POLH: variants seen among roughly 807,000 people sequenced by gnomAD.
POLH encodes DNA polymerase eta transcript.
POLH carries 53 observed loss-of-function variants against 73.6 expected under a neutral mutation model. The observed-to-expected ratio is 0.72, with a 90% CI of 0.58 to 0.91. POLH has a LOEUF of 0.91. Ranked by LOEUF, POLH falls within the 40% of genes least tolerant of loss-of-function variation. The probability of loss-of-function intolerance (pLI) is 0.00; values close to 1 mark genes in which losing one functional copy is unlikely to be tolerated. For missense variants in POLH, 768 were observed against 865.4 expected, an observed-to-expected ratio of 0.89 and a Z score of 1.41; for synonymous variants, 292 against 308.5, an observed-to-expected ratio of 0.95 and a Z score of 0.56.
At chr6:43,612,257 G>A (rs1214271799) in intron 10 of POLH, among the ~76,000 whole-genome samples, 1 of 151,462 alleles carries the variant, frequency 6.6e-6, no homozygotes, top group South Asian at 2.1e-4. Context: ...ACTCACCAAC[G>A]GTGTGAAACT....
intron 9 of POLH, 90 bp downstream of exon 9, chr6:43,605,409 A>G (rs1264771864): frequency 1.4e-6 from 1 of 734,550 alleles, no homozygotes; most frequent in Non-Finnish European, 2.5e-6. Context: ...AAAGACAGAA[A>G]AAAGTATTAG....
At chr6:43,603,111 C>T (rs1766916714) in intron 6 of POLH, among the ~76,000 whole-genome samples, 1 of 150,790 alleles carries the variant, frequency 6.6e-6, no homozygotes, top group South Asian at 2.1e-4. Context: ...CAGCAATCCT[C>T]CTGCCTCAGC....
intron 3 of POLH, among the ~76,000 whole-genome samples, chr6:43,586,161 A>G (rs1279699404): frequency 1.3e-5 from 2 of 152,240 alleles, no homozygotes; most frequent in Non-Finnish European, 2.9e-5. Flanking sequence ...ACTACAAAGC[A>G]GGTCCAAGCC....
chr6:43,579,097 A>G (rs188514195), intron 1 of POLH, among the ~76,000 whole-genome samples: 44 of 152,314 alleles, frequency 2.9e-4, no homozygotes, highest in Non-Finnish European at 5.3e-4. Flanking sequence ...TTCCTAGCTC[A>G]TAACTCCCCT....
At chr6:43,600,132 T>TG (rs1335888894) in intron 5 of POLH, among the ~76,000 whole-genome samples, 2 of 150,622 alleles carry the variant, frequency 1.3e-5, no homozygotes, top group Admixed American at 1.3e-4. Context: ...TACTCCAGGC[T>TG]GGGCAACAAG....
rs1766268576 is a variant in POLH, at chr6:43,597,876, A to G, written c.660+11A>G. The G allele has an allele frequency of 6.2e-7, 1 of 1,600,932 alleles. No individual in the cohort carries two copies. The highest frequency in any genetic ancestry group is 8.6e-7 in the Non-Finnish European group (1 of 1,168,014). On this transcript the variant is annotated intron_variant, in intron 5 of 10. Transcript: ENST00000372236. ...ATTTCACACAATAAGGTGAAGGCTA[A>G]TAGTAGATTTCAAAGAGAAACATTG...
At chr6:43,600,935 C>G (rs1766670083) in intron 5 of POLH, 53 bp from the exon 6 acceptor site, 1 of 1,111,540 alleles carries the variant, frequency 9.0e-7, no homozygotes, top group African/African-American at 1.5e-5. Context: ...TTTATATTCA[C>G]CAACTTTGAT....
At chr6:43,606,156 TA>T (rs59619375) in intron 9 of POLH, among the ~76,000 whole-genome samples, 4,632 of 141,224 alleles carry the variant, frequency 0.033, 187 homozygotes, top group African/African-American at 0.094. Flanking sequence ...TACTTTTTTG[TA>T]AAAAAAAAAA....
intron 7 of POLH, 129 bp from the exon 8 acceptor site, chr6:43,604,486 C>A: frequency 9.9e-7 from 1 of 1,007,272 alleles, no homozygotes; most frequent in South Asian, 1.4e-5. Context: ...GTCCGGTACA[C>A]TAAATTTTGG....
Position 43,618,476 on chromosome 6 carries a change from A to G in POLH, c.*3919A>G, listed in dbSNP as rs943637977. Among the ~76,000 whole-genome samples, 6 of 151,080 alleles carry G rather than the reference A, an allele frequency of 4.0e-5. No homozygotes were observed. Among genetic ancestry groups the G allele is most frequent in the Admixed American group, 3.3e-4 (5 of 15,160 alleles). On this transcript the variant is annotated 3_prime_UTR_variant, in exon 11 of 11. Transcript: ENST00000372236. ...CTATAGTACTGTATTCTTATTCTCC[A>G]CTCTTGTGTGTGAAAAGTCAGCTCT...
intron 4 of POLH, among the ~76,000 whole-genome samples, chr6:43,594,432 C>T (rs1582291127): frequency 6.6e-6 from 1 of 152,092 alleles, no homozygotes. Context: ...TTTTTAAAAA[C>T]TACCTTTTGG....
chr6:43,593,896 A>AG (rs796309384), intron 4 of POLH, among the ~76,000 whole-genome samples: 131 of 146,134 alleles, frequency 9.0e-4, no homozygotes, highest in South Asian at 2.6e-3. Flanking sequence ...AAAAAAAAAA[A>AG]AAAGAAAGAA....
Position 43,617,124 on chromosome 6 carries a change from A to G in POLH, c.*2567A>G, listed in dbSNP as rs946922989. Among the ~76,000 whole-genome samples the G allele has an allele frequency of 6.6e-6, 1 of 151,994 alleles. No individual in the cohort carries two copies. Among genetic ancestry groups the G allele is most frequent in the Non-Finnish European group, 1.5e-5 (1 of 67,994 alleles). ...AGAATCACTTGAACCTGGGAGGCAG[A>G]GGTTGCAGTGAGCCGAGATTTCCAC... On this transcript the variant is annotated 3_prime_UTR_variant, in exon 11 of 11. Transcript: ENST00000372236.
chr6:43,608,870 C>A (rs1423759446), intron 9 of POLH, among the ~76,000 whole-genome samples: 1 of 152,184 alleles, frequency 6.6e-6, no homozygotes, highest in Admixed American at 6.5e-5. Flanking sequence ...AAAAGTAATT[C>A]TATAAAGCCA....
intron 6 of POLH, among the ~76,000 whole-genome samples, chr6:43,603,660 G>C (rs1455378510): frequency 6.6e-6 from 1 of 152,104 alleles, no homozygotes; most frequent in African/African-American, 2.4e-5. Flanking sequence ...ACAATTGAAC[G>C]TTTTATATAC....
chr6:43,578,205 G>A (rs1763597038), intron 1 of POLH, among the ~76,000 whole-genome samples: 6 of 152,104 alleles, frequency 3.9e-5, no homozygotes, highest in Admixed American at 3.3e-4. Flanking sequence ...TGGCCAACAT[G>A]GTGAAACCCA....
intron 4 of POLH, among the ~76,000 whole-genome samples, chr6:43,587,898 G>A (rs62402426): frequency 4.6e-5 from 7 of 152,102 alleles, no homozygotes; most frequent in African/African-American, 1.4e-4. Flanking sequence ...ATGGTGGCGC[G>A]TGCCTGTAAT....
At chr6:43,587,674 G>C (rs1461795404) in intron 4 of POLH, among the ~76,000 whole-genome samples, 185 bp downstream of exon 4, 1 of 152,216 alleles carries the variant, frequency 6.6e-6, no homozygotes, top group Non-Finnish European at 1.5e-5. Context: ...TTGAGAAGCT[G>C]TGAAATCTGT....
At position 43,614,309 on chromosome 6, in the gene POLH, C is replaced by T. The variant is rs751080909; in HGVS notation, c.1894C>T (p.Gln632Ter). The change falls in exon 11 of 11, where the codon CAA (glutamine) becomes TAA (stop). Residue 632 changes from glutamine (Q) to a stop codon, truncating the protein, a stop_gained. Coordinates refer to ENST00000372236, the MANE Select transcript of POLH (RefSeq NM_006502.3). LOFTEE classifies it high-confidence loss of function. ...PNPSLLAAED[Q>*]VPCEKCGSLV... is the part of the protein sequence containing the mutation. Reference sequence around the variant, plus strand: ...TCCAAGTCTTCTAGCTGCTGAGGACCAAGTGCCCTGTGAGAAGTGTGGCTC... The same window carrying T: ...TCCAAGTCTTCTAGCTGCTGAGGACTAAGTGCCCTGTGAGAAGTGTGGCTC... 4 of 1,602,034 alleles carry T rather than the reference C, an allele frequency of 2.5e-6. No individual in the cohort carries two copies. The highest frequency in any genetic ancestry group is 1.7e-6 in the Non-Finnish European group (2 of 1,172,152).
Sources: gnomAD v4.1 joint callset for allele counts (sites outside exome capture counted in the v4.1 genomes callset) on GRCh38, gnomAD v4.1.1 for gene constraint, MANE v1.5 for transcripts, NCBI Gene and HGNC (gene_info 2026-07-23, HGNC 2026-07-21) for gene names.